Variants in MTMR2 observed in about 807,000 individuals in gnomAD.
MTMR2 encodes myotubularin related protein 2, also known as phosphatidylinositol-3,5-bisphosphate 3-phosphatase MTMR2.
A neutral mutation model predicts 86.9 loss-of-function variants in MTMR2; 55 were observed. That is an observed-to-expected ratio of 0.63 (90% confidence interval 0.51 to 0.79). The LOEUF is 0.79. MTMR2 is among the 30% of genes least tolerant of loss of function. The probability of loss-of-function intolerance (pLI) is 0.00; values close to 1 mark genes in which losing one functional copy is unlikely to be tolerated. For missense variants in MTMR2, 659 were observed against 772.3 expected (o/e 0.85, Z 1.74); for synonymous variants, 241 against 266.8 (o/e 0.90, Z 0.94).
intron 11 of MTMR2, among the ~76,000 whole-genome samples, chr11:95,843,863 A>T (rs552562808): frequency 6.6e-6 from 1 of 152,234 alleles, no homozygotes; most frequent in African/African-American, 2.4e-5. Context: ...GATATAACTC[A>T]CATAAAGTTC....
At chr11:95,863,790 C>T (rs1160743834) in intron 3 of MTMR2, among the ~76,000 whole-genome samples, 1 of 152,048 alleles carries the variant, frequency 6.6e-6, no homozygotes, top group African/African-American at 2.4e-5. Flanking sequence ...TTCTAAAGTT[C>T]TAAGTACAAT....
At chr11:95,914,904 A>G (rs1238294209) in intron 1 of MTMR2, among the ~76,000 whole-genome samples, 2 of 152,064 alleles carry the variant, frequency 1.3e-5, no homozygotes, top group African/African-American at 4.8e-5. Context: ...AAACATTAAC[A>G]CTCTCTACTT....
intron 2 of MTMR2, among the ~76,000 whole-genome samples, chr11:95,870,636 G>T (rs1252526463): frequency 1.3e-5 from 2 of 150,260 alleles, no homozygotes; most frequent in Non-Finnish European, 3.0e-5. Flanking sequence ...AGAGAAAGCA[G>T]ATTCAATGAA....
At chr11:95,861,914 C>T (rs531503983) in intron 5 of MTMR2, 78 bp downstream of exon 5, 1 of 1,073,340 alleles carries the variant, frequency 9.3e-7, no homozygotes, top group Non-Finnish European at 1.4e-6. Flanking sequence ...ATTTTAGAAA[C>T]CAATTTCAAA....
intron 2 of MTMR2, among the ~76,000 whole-genome samples, chr11:95,879,819 C>T (rs1865256959): frequency 6.6e-6 from 1 of 152,094 alleles, no homozygotes; most frequent in South Asian, 2.1e-4. Context: ...CTTGTCATTA[C>T]AAACTTCAGG....
chr11:95,870,444 C>T (rs979623415), intron 2 of MTMR2, among the ~76,000 whole-genome samples: 1 of 151,478 alleles, frequency 6.6e-6, no homozygotes, highest in Non-Finnish European at 1.5e-5. Flanking sequence ...TGATAATCTA[C>T]GAAAGAAATA....
At chr11:95,910,110 C>A (rs1426509442) in intron 1 of MTMR2, among the ~76,000 whole-genome samples, 2 of 145,312 alleles carry the variant, frequency 1.4e-5, no homozygotes, top group Non-Finnish European at 3.1e-5. Context: ...CACACACACA[C>A]ACACGCACGC....
At chr11:95,896,918 A>C (rs1219102709) in intron 1 of MTMR2, among the ~76,000 whole-genome samples, 1 of 151,914 alleles carries the variant, frequency 6.6e-6, no homozygotes, top group Non-Finnish European at 1.5e-5. Context: ...AAAAAAAAAA[A>C]AACTAGTGGG....
At chr11:95,885,478 A>G (rs1023077730) in intron 2 of MTMR2, among the ~76,000 whole-genome samples, 1 of 152,154 alleles carries the variant, frequency 6.6e-6, no homozygotes. Flanking sequence ...CAAGTGCTCA[A>G]AAAACACAAT....
chr11:95,881,399 C>A (rs1212536437), intron 2 of MTMR2, among the ~76,000 whole-genome samples: 1 of 152,040 alleles, frequency 6.6e-6, no homozygotes, highest in Non-Finnish European at 1.5e-5. Flanking sequence ...TTCTGCAAAA[C>A]AAACTTTTGA....
At chr11:95,881,036 A>G (rs1019557873) in intron 2 of MTMR2, among the ~76,000 whole-genome samples, 7 of 152,034 alleles carry the variant, frequency 4.6e-5, no homozygotes, top group African/African-American at 1.4e-4. Flanking sequence ...ATATTGTCAT[A>G]TATTTTCTTC....
At chr11:95,920,207 G>A (rs1866864658) in intron 1 of MTMR2, among the ~76,000 whole-genome samples, 2 of 152,220 alleles carry the variant, frequency 1.3e-5, no homozygotes, top group African/African-American at 4.8e-5. Flanking sequence ...TGTGGGGATA[G>A]ATATACATGA....
intron 3 of MTMR2, among the ~76,000 whole-genome samples, chr11:95,864,346 TG>T (rs1029095063): frequency 6.6e-6 from 1 of 152,102 alleles, no homozygotes; most frequent in African/African-American, 2.4e-5. Context: ...AGCCAACAAA[TG>T]AGACTGAGTG....
intron 2 of MTMR2, among the ~76,000 whole-genome samples, chr11:95,868,975 ATATCT>A (rs1242866991): frequency 2.0e-5 from 3 of 151,920 alleles, no homozygotes; most frequent in Admixed American, 1.3e-4. Flanking sequence ...AAAGAAAAAA[ATATCT>A]TAAACTGTGA....
intron 7 of MTMR2, among the ~76,000 whole-genome samples, chr11:95,851,287 C>G (rs1325677988): frequency 1.3e-5 from 2 of 151,902 alleles, no homozygotes; most frequent in African/African-American, 4.8e-5. Context: ...CTCCTGACCA[C>G]CTACCTTGGC....
At chr11:95,848,968 A>G (rs1287849366) in intron 9 of MTMR2, among the ~76,000 whole-genome samples, 21 of 152,324 alleles carry the variant, frequency 1.4e-4, no homozygotes, top group Non-Finnish European at 5.9e-5. Context: ...TCACCGAAAC[A>G]CATAGAATAA....
At chr11:95,884,220 G>A (rs537381232) in intron 2 of MTMR2, among the ~76,000 whole-genome samples, 3 of 152,052 alleles carry the variant, frequency 2.0e-5, no homozygotes, top group African/African-American at 7.2e-5. Flanking sequence ...CACATGAAAA[G>A]CAATCATCAT....
intron 2 of MTMR2, among the ~76,000 whole-genome samples, chr11:95,871,424 C>T (rs368877792): frequency 0.032 from 4,820 of 152,122 alleles, 129 homozygotes; most frequent in South Asian, 0.073. Context: ...TTTTAATGAT[C>T]GCCATTCTAA....
At chr11:95,879,292 G>A (rs1284050974) in intron 2 of MTMR2, among the ~76,000 whole-genome samples, 1 of 151,852 alleles carries the variant, frequency 6.6e-6, no homozygotes, top group Admixed American at 6.6e-5. Context: ...CCACTTATAA[G>A]AGAAGGAACA....
Sources: allele counts gnomAD v4.1 joint callset (sites outside exome capture counted in the v4.1 genomes callset), GRCh38; gene constraint gnomAD v4.1.1; transcripts MANE v1.5; gene names NCBI Gene and HGNC (gene_info 2026-07-23, HGNC 2026-07-21).